The following ERI3 variants were observed in gnomAD, a reference collection of about 807,000 sequenced individuals.
ERI3 encodes ERI1 exoribonuclease family member 3, also known as ERI1 exoribonuclease 3.
ERI3 carries 18 observed loss-of-function variants against 44.4 expected under a neutral mutation model. That is an observed-to-expected ratio of 0.41 (90% CI 0.28 to 0.60). The LOEUF is 0.60. ERI3 is among the 20% of genes least tolerant of loss of function. The pLI is 0.36. For synonymous variants in ERI3, 183 were observed against 164.8 expected (o/e 1.11, Z -0.84); for missense variants, 294 against 435.5 (o/e 0.68, Z 2.89).
At chr1:44,316,589 C>T (rs931262693) in intron 4 of ERI3, among the ~76,000 whole-genome samples, 2 of 152,166 alleles carry the variant, frequency 1.3e-5, no homozygotes, top group African/African-American at 4.8e-5. Flanking sequence ...CCAACACAAT[C>T]GTATTCTGAC....
chr1:44,340,788 G>A (rs1646637939), intron 2 of ERI3, among the ~76,000 whole-genome samples: 1 of 152,160 alleles, frequency 6.6e-6, no homozygotes, highest in Admixed American at 6.5e-5. Flanking sequence ...TTTCACCACT[G>A]CTTTATAGCC....
intron 6 of ERI3, among the ~76,000 whole-genome samples, chr1:44,295,435 G>A (rs2154325443): frequency 6.6e-6 from 1 of 152,224 alleles, no homozygotes. Flanking sequence ...TGGTCTTTCT[G>A]TCCTGATCAC....
At chr1:44,274,207 C>T (rs1197215656) in intron 7 of ERI3, among the ~76,000 whole-genome samples, 3 of 152,138 alleles carry the variant, frequency 2.0e-5, no homozygotes, top group African/African-American at 7.2e-5. Flanking sequence ...ACATAATATC[C>T]TTCATGCATA....
intron 6 of ERI3, among the ~76,000 whole-genome samples, chr1:44,293,245 A>T (rs1050383924): frequency 6.6e-6 from 1 of 152,236 alleles, no homozygotes; most frequent in African/African-American, 2.4e-5. Context: ...CCTCTCAAAC[A>T]GGGAGGAGAG....
chr1:44,322,487 T>C (rs1646224182), intron 3 of ERI3, among the ~76,000 whole-genome samples: 1 of 152,130 alleles, frequency 6.6e-6, no homozygotes, highest in African/African-American at 2.4e-5. Context: ...ATATCTCTGA[T>C]AATGCTAGCT....
intron 4 of ERI3, 116 bp from the exon 5 acceptor site, chr1:44,313,344 C>A: frequency 4.3e-6 from 4 of 939,324 alleles, no homozygotes; most frequent in Non-Finnish European, 6.6e-6. Context: ...TCTGATCTGG[C>A]ACTGCTTTAG....
chr1:44,320,544 G>A (rs1557849289), intron 3 of ERI3, among the ~76,000 whole-genome samples: 1 of 152,224 alleles, frequency 6.6e-6, no homozygotes, highest in Non-Finnish European at 1.5e-5. Context: ...CCTGGGAAGG[G>A]AGGAACGCAC....
chr1:44,286,540 C>T (rs1645397567), intron 6 of ERI3, among the ~76,000 whole-genome samples: 1 of 152,058 alleles, frequency 6.6e-6, no homozygotes, highest in Non-Finnish European at 1.5e-5. Context: ...AATAAGATCA[C>T]CCGGGGAACA....
intron 2 of ERI3, among the ~76,000 whole-genome samples, chr1:44,348,164 T>C (rs1259401989): frequency 6.6e-6 from 1 of 152,180 alleles, no homozygotes; most frequent in Non-Finnish European, 1.5e-5. Flanking sequence ...TTCTCTTCCT[T>C]TCTTTATCCT....
At chr1:44,343,796 T>C (rs1646731664) in intron 2 of ERI3, among the ~76,000 whole-genome samples, 1 of 152,170 alleles carries the variant, frequency 6.6e-6, no homozygotes, top group Admixed American at 6.5e-5. Flanking sequence ...AAAATGTCCT[T>C]GTTTATAGGA....
intron 8 of ERI3, among the ~76,000 whole-genome samples, chr1:44,236,831 C>A (rs1395316248): frequency 1.3e-5 from 2 of 152,152 alleles, no homozygotes; most frequent in Non-Finnish European, 2.9e-5. Flanking sequence ...CACCATGGAG[C>A]CCTCCTGAAC....
chr1:44,329,870 C>A (rs1443318051), intron 3 of ERI3, among the ~76,000 whole-genome samples: 2 of 152,180 alleles, frequency 1.3e-5, no homozygotes, highest in Non-Finnish European at 2.9e-5. Context: ...ACCACTGACT[C>A]CTCAGTAGGC....
chr1:44,246,199 T>C (rs555920575), intron 8 of ERI3, among the ~76,000 whole-genome samples: 45 of 152,320 alleles, frequency 3.0e-4, no homozygotes, highest in African/African-American at 1.0e-3. Flanking sequence ...ACTCTAGTCA[T>C]GGGAAGCTTC....
At chr1:44,320,894 A>T (rs1214900861) in intron 3 of ERI3, among the ~76,000 whole-genome samples, 1 of 152,184 alleles carries the variant, frequency 6.6e-6, no homozygotes, top group Non-Finnish European at 1.5e-5. Context: ...AGAGAAAGGA[A>T]GGGGGCTCTG....
intron 2 of ERI3, among the ~76,000 whole-genome samples, chr1:44,345,013 C>T (rs1221541079): frequency 6.6e-6 from 1 of 152,196 alleles, no homozygotes; most frequent in Non-Finnish European, 1.5e-5. Flanking sequence ...GGCTCCTCTG[C>T]AGCCATTACT....
chr1:44,354,907 C>T lies in ERI3; in HGVS notation c.120G>A (p.Trp40Ter), dbSNP rs1646966248. 1.5e-6 allele frequency: 2 copies of T among 1,317,740 alleles called. No homozygotes were observed. Among genetic ancestry groups the T allele is most frequent in the Non-Finnish European group, 2.0e-6 (2 of 1,024,636 alleles). The allele number at this position is 1,317,740 out of a possible 1,614,324, so 81.6% of individuals were successfully genotyped here. A position where few individuals can be genotyped will look rare whatever the true frequency, so the allele number is the denominator to read the frequency against. Residue 40 changes from tryptophan (W) to a stop codon, truncating the protein, a stop_gained, in exon 1 of 9, where the codon TGG (tryptophan) becomes TGA (stop). Transcript: ENST00000372257. LOFTEE classifies it high-confidence loss of function. ...TLPWTWMGPS[W>*]GQHPGHWGFP... is the part of the protein sequence containing the mutation. Reference sequence around the variant, plus strand: ...CATCACCCACCCCGGGGTGTTGCCCCCAACTCGGGCCCATCCAAGTCCAGG... The same window carrying T: ...CATCACCCACCCCGGGGTGTTGCCCTCAACTCGGGCCCATCCAAGTCCAGG...
intron 3 of ERI3, among the ~76,000 whole-genome samples, chr1:44,331,235 T>C (rs1408815205): frequency 1.3e-5 from 2 of 152,196 alleles, no homozygotes; most frequent in Non-Finnish European, 2.9e-5. Context: ...ATTTATCTTT[T>C]TGAAGGGTCT....
At chr1:44,347,570 TCCC>T (rs1298972292) in intron 2 of ERI3, among the ~76,000 whole-genome samples, 1 of 152,064 alleles carries the variant, frequency 6.6e-6, no homozygotes, top group African/African-American at 2.4e-5. Flanking sequence ...AGCTCAAATC[TCCC>T]CCCTTTTGGT....
chr1:44,287,504 A>T lies in ERI3; in HGVS notation c.759-2597T>A, dbSNP rs1572192482. On this transcript the variant is annotated intron_variant, in intron 6 of 8. Transcript: ENST00000372257. ...AGATATCTCACCTGAATAAGAGGCT[A>T]CTCTCAAACATCCAAGTGGCACAGT... Among the ~76,000 whole-genome samples the T allele has an allele frequency of 3.3e-5, 5 of 152,330 alleles. No homozygotes were observed. In the South Asian group the frequency reaches 8.3e-4, roughly 25 times the overall value.
Sources: allele counts gnomAD v4.1 joint callset (sites outside exome capture counted in the v4.1 genomes callset), GRCh38; gene constraint gnomAD v4.1.1; transcripts MANE v1.5; gene names NCBI Gene and HGNC (gene_info 2026-07-23, HGNC 2026-07-21).